CHL1: variants seen among roughly 807,000 people sequenced by gnomAD.
CHL1 encodes cell adhesion molecule L1 like, also known as neural cell adhesion molecule L1-like protein.
Under a neutral mutation model 141.9 loss-of-function variants are expected in CHL1, and 96 were observed. That is an observed-to-expected ratio of 0.68 (90% confidence interval 0.57 to 0.80). The LOEUF is 0.80. CHL1 is among the 30% of genes least tolerant of loss of function. The pLI is 0.00. For missense variants in CHL1, 1,820 were observed against 1,457.2 expected (o/e 1.25, Z -4.05); for synonymous variants, 613 against 502.2 (o/e 1.22, Z -2.95).
At chr3:320,016 T>C in intron 3 of CHL1, 149 bp downstream of exon 3, 1 of 571,404 alleles carries the variant, frequency 1.8e-6, no homozygotes, top group Non-Finnish European at 3.0e-6. Flanking sequence ...ATATCTATCT[T>C]TTTCGTTTTG....
rs1709694703 is a variant in CHL1 at position 408,919 on chromosome 3, T to G, written c.*3208T>G. ...ATGGAATTATGCTGGAAGTCTCAAA[T>G]AATATTTTTTTCCTATTTTATACTC... is the stretch of plus-strand genomic sequence containing the variant. On this transcript the variant is annotated 3_prime_UTR_variant, in exon 28 of 28. Coordinates refer to ENST00000256509, the MANE Select transcript of CHL1 (RefSeq NM_006614.4). 1 of 152,068 alleles carries G rather than the reference T, an allele frequency of 6.6e-6. No individual in the cohort carries two copies. The highest frequency in any genetic ancestry group is 1.5e-5 in the Non-Finnish European group (1 of 67,980). 9.4% of individuals were successfully genotyped at this position (152,068 alleles called of 1,614,324 possible). A position where few individuals can be genotyped will look rare whatever the true frequency, so the allele number is the denominator to read the frequency against.
intron 9 of CHL1, among the ~76,000 whole-genome samples, chr3:346,075 G>A (rs577656862): frequency 6.5e-4 from 99 of 152,186 alleles, no homozygotes; most frequent in African/African-American, 2.2e-3. Context: ...TCTAGTTAGT[G>A]GACTAGGATT....
At chr3:283,443 A>G (rs1027015534) in intron 2 of CHL1, among the ~76,000 whole-genome samples, 1 of 152,208 alleles carries the variant, frequency 6.6e-6, no homozygotes, top group African/African-American at 2.4e-5. Context: ...ATTTATGTAC[A>G]CATGTATCTA....
intron 2 of CHL1, among the ~76,000 whole-genome samples, chr3:272,214 G>A (rs1407306499): frequency 6.6e-6 from 1 of 152,112 alleles, no homozygotes; most frequent in African/African-American, 2.4e-5. Context: ...ATTTGTATAA[G>A]CACATGTAGC....
intron 2 of CHL1, among the ~76,000 whole-genome samples, chr3:314,263 A>G (rs1699975877): frequency 6.9e-6 from 1 of 145,506 alleles, no homozygotes; most frequent in Non-Finnish European, 1.5e-5. Flanking sequence ...TGCACCCCCA[A>G]TAGAAAGATT....
intron 1 of CHL1, among the ~76,000 whole-genome samples, chr3:226,907 G>T (rs186274035): frequency 6.6e-6 from 1 of 152,088 alleles, no homozygotes; most frequent in African/African-American, 2.4e-5. Context: ...AATAAGAAGG[G>T]CATATTATTC....
At chr3:302,165 G>C (rs944842043) in intron 2 of CHL1, among the ~76,000 whole-genome samples, 4 of 152,194 alleles carry the variant, frequency 2.6e-5, no homozygotes, top group Non-Finnish European at 1.5e-5. Context: ...CATTTGGGTT[G>C]GTTCCAAGTC....
In CHL1 at chr3:405,633, T is replaced by G. The variant is rs764061681; in HGVS notation, c.3597T>G (p.Gly1199=). 5.0e-6 allele frequency: 8 copies of G among 1,613,436 alleles called. No individual in the cohort carries two copies. Among genetic ancestry groups the G allele is most frequent in the Non-Finnish European group, 6.8e-6 (8 of 1,179,598 alleles). The part of the protein sequence containing the change: ...GLFSEDGSFI[G]AYAGSKEKGS... ...TCAGTGAAGATGGATCATTTATTGG[T>G]GCCTACGCTGGATCTAAGGAGAAGG... The change falls in exon 28 of 28, where the codon GGT becomes GGG. Residue 1199 remains glycine (G), a synonymous_variant. Coordinates refer to ENST00000256509, the MANE Select transcript of CHL1 (RefSeq NM_006614.4).
In CHL1 at chr3:392,132, G is replaced by T. The variant is rs182271883; in HGVS notation, c.2914+335G>T. The stretch of plus-strand genomic sequence containing the variant: ...TTTACCGTCTGGCCCTTTAATGAAA[G>T]GTTTGCTTACCTGTTTTAGAAAAAA... On this transcript the variant is annotated intron_variant, in intron 23 of 27. Coordinates refer to ENST00000256509, the MANE Select transcript of CHL1 (RefSeq NM_006614.4). 1.6e-3 allele frequency among the ~76,000 whole-genome samples: 249 copies of T among 152,254 alleles called. 1 individual carries two copies. Among genetic ancestry groups the T allele is most frequent in the African/African-American group, 5.8e-3 (240 of 41,542 alleles).
intron 12 of CHL1, among the ~76,000 whole-genome samples, chr3:361,116 G>A (rs1258452156): frequency 2.0e-5 from 3 of 151,854 alleles, no homozygotes; most frequent in Non-Finnish European, 4.4e-5. Flanking sequence ...AACAAGCAAT[G>A]GGGAAAGGAA....
intron 1 of CHL1, among the ~76,000 whole-genome samples, chr3:234,512 T>TG (rs1691751748): frequency 6.6e-6 from 1 of 152,050 alleles, no homozygotes; most frequent in Non-Finnish European, 1.5e-5. Context: ...TGAAAATTAG[T>TG]AATATTTAAA....
At chr3:387,800 C>T (rs962274629) in intron 19 of CHL1, among the ~76,000 whole-genome samples, 1 of 152,166 alleles carries the variant, frequency 6.6e-6, no homozygotes, top group Admixed American at 6.5e-5. Context: ...CAAGTATTAA[C>T]AAGGTCTGCA....
intron 10 of CHL1, among the ~76,000 whole-genome samples, chr3:352,780 T>A (rs1158094015): frequency 6.6e-6 from 1 of 152,158 alleles, no homozygotes; most frequent in East Asian, 1.9e-4. Flanking sequence ...TAAGGTAAAG[T>A]ATAGTGAGGA....
intron 15 of CHL1, among the ~76,000 whole-genome samples, chr3:368,498 T>C (rs902468489): frequency 2.0e-5 from 3 of 152,218 alleles, no homozygotes; most frequent in African/African-American, 7.2e-5. Context: ...TATTAGACCT[T>C]TGTCAGATGG....
At chr3:265,834 C>T (rs144128181) in intron 2 of CHL1, among the ~76,000 whole-genome samples, 16 of 152,206 alleles carry the variant, frequency 1.1e-4, no homozygotes, top group South Asian at 2.1e-4. Context: ...TAATCAACCT[C>T]GGAGTCTCTG....
rs182990233 is a variant in CHL1, at chr3:211,580, C to T, written c.-175+14517C>T. ...TGTGGCTTAGCCATTTTTCTCTCCA[C>T]GCTTAGGAACCATACATACTATCAT... is the stretch of plus-strand genomic sequence containing the variant. On this transcript the variant is annotated intron_variant, in intron 1 of 27. Coordinates refer to ENST00000256509, the MANE Select transcript of CHL1 (RefSeq NM_006614.4). Among the ~76,000 whole-genome samples the T allele has an allele frequency of 5.9e-5, 9 of 152,278 alleles. No individual in the cohort carries two copies. In the East Asian group the frequency reaches 1.5e-3, roughly 26 times the overall value.
chr3:250,622 G>A (rs943808266), intron 2 of CHL1, among the ~76,000 whole-genome samples: 4 of 152,092 alleles, frequency 2.6e-5, no homozygotes, highest in Non-Finnish European at 5.9e-5. Context: ...TAGTGGGGAG[G>A]CAAAGAGCTC....
intron 5 of CHL1, among the ~76,000 whole-genome samples, chr3:339,509 C>T (rs1293974758): frequency 6.6e-6 from 1 of 152,144 alleles, no homozygotes; most frequent in Admixed American, 6.6e-5. Flanking sequence ...AAGAGGAAAC[C>T]CACTAAAGGA....
chr3:351,360 A>G (rs901893634), intron 10 of CHL1, among the ~76,000 whole-genome samples: 1 of 152,222 alleles, frequency 6.6e-6, no homozygotes, highest in African/African-American at 2.4e-5. Flanking sequence ...CTTTAGTAAG[A>G]AACTATTAAA....
Sources: allele counts gnomAD v4.1 joint callset (sites outside exome capture counted in the v4.1 genomes callset), GRCh38; gene constraint gnomAD v4.1.1; transcripts MANE v1.5; gene names NCBI Gene and HGNC (gene_info 2026-07-23, HGNC 2026-07-21).